The following CSMD3 variants were observed in gnomAD, a reference collection of about 807,000 sequenced individuals.
CSMD3 encodes CUB and sushi domain-containing protein 3.
Under a neutral mutation model 435.2 loss-of-function variants are expected in CSMD3, and 177 were observed. That is an observed-to-expected ratio of 0.41 (90% CI 0.36 to 0.46). The LOEUF is 0.46. CSMD3 is among the 20% of genes least tolerant of loss of function. The probability of loss-of-function intolerance (pLI) is 0.34; values close to 1 mark genes in which losing one functional copy is unlikely to be tolerated. For missense variants in CSMD3, 4,265 were observed against 4,504.6 expected (o/e 0.95, Z 1.52); for synonymous variants, 1,656 against 1,520.5 (o/e 1.09, Z -2.07).
chr8:113,326,411 G>GT lies in CSMD3; in HGVS notation c.179-11619dup, dbSNP rs1051281157. On this transcript the variant is annotated intron_variant, in intron 1 of 70. Transcript: ENST00000297405. ...TAACATCTACAATAATAATAACATA[G>GT]TTTTTTTTTTAAATCAGGGTAACTG... Among the ~76,000 whole-genome samples the GT allele has an allele frequency of 5.8e-3, 865 of 149,196 alleles. 12 individuals are homozygous for GT. The highest frequency in any genetic ancestry group is 0.018 in the African/African-American group (754 of 40,788).
chr8:112,953,669 T>C (rs992169093), intron 8 of CSMD3, among the ~76,000 whole-genome samples: 1 of 151,412 alleles, frequency 6.6e-6, no homozygotes, highest in African/African-American at 2.4e-5. Context: ...TTCTCGATAA[T>C]TGATATAACT....
At chr8:113,072,857 C>A (rs1394242280) in intron 5 of CSMD3, among the ~76,000 whole-genome samples, 1 of 151,634 alleles carries the variant, frequency 6.6e-6, no homozygotes, top group African/African-American at 2.4e-5. Context: ...TTAATTGATT[C>A]TTGTTCTTAT....
At chr8:113,303,128 G>A (rs1443069786) in intron 2 of CSMD3, among the ~76,000 whole-genome samples, 1 of 146,500 alleles carries the variant, frequency 6.8e-6, no homozygotes, top group Non-Finnish European at 1.5e-5. Flanking sequence ...CAGACAAACA[G>A]AGAGCCAAAT....
chr8:113,161,975 AT>A (rs538508178), intron 4 of CSMD3, among the ~76,000 whole-genome samples: 1 of 151,326 alleles, frequency 6.6e-6, no homozygotes, highest in East Asian at 1.9e-4. Context: ...CTAGAAAGTG[AT>A]TTTTTTTTCA....
At chr8:113,026,597 A>G (rs1451382200) in intron 5 of CSMD3, among the ~76,000 whole-genome samples, 2 of 152,214 alleles carry the variant, frequency 1.3e-5, no homozygotes, top group African/African-American at 2.4e-5. Context: ...TAGCATAATG[A>G]TTGATGCATA....
At chr8:112,873,792 T>C (rs987325209) in intron 10 of CSMD3, among the ~76,000 whole-genome samples, 20 of 152,098 alleles carry the variant, frequency 1.3e-4, no homozygotes, top group Admixed American at 3.9e-4. Flanking sequence ...GTCTATTTGA[T>C]TCTTCTCTCT....
At chr8:113,255,298 T>C (rs2093370225) in intron 3 of CSMD3, among the ~76,000 whole-genome samples, 2 of 152,124 alleles carry the variant, frequency 1.3e-5, no homozygotes. Context: ...TGCCCTCATT[T>C]TTGGATCTCC....
chr8:112,726,574 T>G (rs543947525), intron 13 of CSMD3, among the ~76,000 whole-genome samples: 112 of 151,964 alleles, frequency 7.4e-4, no homozygotes, highest in Admixed American at 7.9e-4. Flanking sequence ...GAGTGTTAGG[T>G]GCATAGTATA....
chr8:112,655,386 T>C (rs952177847), intron 18 of CSMD3, among the ~76,000 whole-genome samples: 3 of 152,088 alleles, frequency 2.0e-5, no homozygotes, highest in Admixed American at 6.5e-5. Context: ...TATATGGCTA[T>C]GCATTCATGA....
intron 1 of CSMD3, among the ~76,000 whole-genome samples, chr8:113,422,802 T>G (rs1002193312): frequency 6.6e-6 from 1 of 152,012 alleles, no homozygotes; most frequent in Non-Finnish European, 1.5e-5. Context: ...TTAAATTGAG[T>G]TTTTAATTAT....
intron 45 of CSMD3, among the ~76,000 whole-genome samples, chr8:112,320,949 T>G (rs1822944537): frequency 6.6e-6 from 1 of 152,124 alleles, no homozygotes; most frequent in South Asian, 2.1e-4. Context: ...CTCATTGGAT[T>G]AGATTGGCAT....
chr8:113,064,546 C>T (rs2088769407), intron 5 of CSMD3, among the ~76,000 whole-genome samples: 1 of 151,994 alleles, frequency 6.6e-6, no homozygotes, highest in South Asian at 2.1e-4. Flanking sequence ...ACACTCTTAA[C>T]AAAAACGAAA....
intron 12 of CSMD3, among the ~76,000 whole-genome samples, chr8:112,816,258 T>C (rs1270176286): frequency 1.3e-5 from 2 of 152,122 alleles, no homozygotes; most frequent in African/African-American, 2.4e-5. Flanking sequence ...CTGAGATGAA[T>C]AGAAGATGAT....
intron 59 of CSMD3, among the ~76,000 whole-genome samples, chr8:112,276,871 C>T (rs1818102615): frequency 6.6e-6 from 1 of 152,094 alleles, no homozygotes; most frequent in Admixed American, 6.5e-5. Context: ...AAAGCCACAG[C>T]CTGAGCCATA....
At chr8:112,895,803 A>G (rs1464572248) in intron 10 of CSMD3, among the ~76,000 whole-genome samples, 1 of 151,502 alleles carries the variant, frequency 6.6e-6, no homozygotes, top group East Asian at 2.0e-4. Context: ...AAGAGCGGTC[A>G]AGGTTAGATG....
intron 1 of CSMD3, among the ~76,000 whole-genome samples, chr8:113,316,937 T>A (rs1012532877): frequency 1.3e-5 from 2 of 152,092 alleles, no homozygotes; most frequent in Admixed American, 1.3e-4. Flanking sequence ...TATAATCCTA[T>A]CCTCTGAGCA....
At chr8:113,198,526 A>G (rs1394971636) in intron 3 of CSMD3, among the ~76,000 whole-genome samples, 8 of 151,358 alleles carry the variant, frequency 5.3e-5, no homozygotes, top group Admixed American at 2.0e-4. Flanking sequence ...CCACCATTTT[A>G]AAATATCCTT....
chr8:112,954,626 A>G (rs1006373906), intron 8 of CSMD3, 58 bp downstream of exon 8: 9 of 1,060,654 alleles, frequency 8.5e-6, no homozygotes, highest in Non-Finnish European at 1.3e-5. Flanking sequence ...CAAACAACAC[A>G]GACACCACAA....
At chr8:112,327,146 A>AAT (rs1823592802) in intron 45 of CSMD3, among the ~76,000 whole-genome samples, 1 of 152,212 alleles carries the variant, frequency 6.6e-6, no homozygotes, top group African/African-American at 2.4e-5. Flanking sequence ...TATAATATGT[A>AAT]AGTGTCTGTG....
Sources: allele counts gnomAD v4.1 joint callset (sites outside exome capture counted in the v4.1 genomes callset), GRCh38; gene constraint gnomAD v4.1.1; transcripts MANE v1.5; gene names NCBI Gene and HGNC (gene_info 2026-07-23, HGNC 2026-07-21).